The following SMIM15 variants were observed in gnomAD, a reference collection of about 807,000 sequenced individuals.
SMIM15 encodes UPF0542 protein C5orf43.
A neutral mutation model predicts 6.8 loss-of-function variants in SMIM15; 5 were observed. The observed-to-expected ratio is 0.74, with a 90% confidence interval of 0.39 to 1.56. The LOEUF (loss-of-function observed/expected upper bound fraction) is 1.56. Ranked by LOEUF, SMIM15 falls within the 40% of genes most tolerant of loss-of-function variation. The probability of loss-of-function intolerance (pLI) is 0.03; values close to 1 mark genes in which losing one functional copy is unlikely to be tolerated. For missense variants in SMIM15, 81 were observed against 84.8 expected, an observed-to-expected ratio of 0.96 and a Z score of 0.18; for synonymous variants, 30 against 30.8, an observed-to-expected ratio of 0.97 and a Z score of 0.09.
chr5:61,160,193 A>C lies in SMIM15; in HGVS notation c.-22T>G, dbSNP rs748061695. On this transcript the variant is annotated 5_prime_UTR_variant, in exon 3 of 3. Coordinates refer to ENST00000339020, the MANE Select transcript of SMIM15 (RefSeq NM_001048249.4). ...ACATCTTCACAGCAGTCTTATGAAAACTGGGGCTGGGGGAGGCGGGTGGAG... is the reference window on the plus strand; with the variant it reads ...ACATCTTCACAGCAGTCTTATGAAACCTGGGGCTGGGGGAGGCGGGTGGAG... 1 of 1,606,458 alleles carries C rather than the reference A, an allele frequency of 6.2e-7. No individual in the cohort carries two copies. Among genetic ancestry groups the C allele is most frequent in the Non-Finnish European group, 8.5e-7 (1 of 1,175,886 alleles).
rs1741374176 is a variant in SMIM15, at chr5:61,159,407, T to TAGA, written c.*537_*539dup. ...GCTGTAATAAGAAAAATGCAGCAAA[T>TAGA]AGAAGTACTCATTAATATTATTTTG... On this transcript the variant is annotated 3_prime_UTR_variant, in exon 3 of 3. Coordinates refer to ENST00000339020, the MANE Select transcript of SMIM15 (RefSeq NM_001048249.4). The TAGA allele has an allele frequency of 6.5e-6, 1 of 153,632 alleles. No individual in the cohort carries two copies. Among genetic ancestry groups the TAGA allele is most frequent in the Admixed American group, 6.5e-5 (1 of 15,458 alleles). 9.5% of individuals were successfully genotyped at this position (153,632 alleles called of 1,614,324 possible). A position where few individuals can be genotyped will look rare whatever the true frequency, so the allele number is the denominator to read the frequency against.
rs138353340 is a variant in SMIM15, at chr5:61,161,514, C to T, written c.-168-287G>A. 1.9e-3 allele frequency among the ~76,000 whole-genome samples: 282 copies of T among 152,246 alleles called. 3 individuals carry two copies. The highest frequency in any genetic ancestry group is 6.6e-3 in the African/African-American group (274 of 41,536). On this transcript the variant is annotated intron_variant, in intron 1 of 2. Coordinates refer to ENST00000339020, the MANE Select transcript of SMIM15 (RefSeq NM_001048249.4). ...CATTGACATACGGGAGACAAGTTGG[C>T]TCACTGACTGACTTACACAGCGTAT...
At position 61,162,306 on chromosome 5, in the gene SMIM15, G is replaced by A. The variant is rs1741436139; in HGVS notation, c.-258C>T. ...GGCCCCTTGTCGCGCAGAGCGGAGG[G>A]TCCTGGGAGATCCTGGGTTGGCCCA... On this transcript the variant is annotated 5_prime_UTR_variant, in exon 1 of 3. Coordinates refer to ENST00000339020, the MANE Select transcript of SMIM15 (RefSeq NM_001048249.4). The surrounding 1 kb of genome is among the most constrained non-coding windows in gnomAD (Gnocchi z 4.4). 1 of 152,548 alleles carries A rather than the reference G, an allele frequency of 6.6e-6. No homozygotes were observed. The highest frequency in any genetic ancestry group is 1.5e-5 in the Non-Finnish European group (1 of 68,296). 9.4% of individuals were successfully genotyped at this position (152,548 alleles called of 1,614,324 possible). A position where few individuals can be genotyped will look rare whatever the true frequency, so the allele number is the denominator to read the frequency against.
chr5:61,160,254 G>A (rs1334218412), intron 2 of SMIM15, 55 bp from the exon 3 acceptor site: 25 of 1,335,742 alleles, frequency 1.9e-5, no homozygotes, highest in African/African-American at 2.9e-5. Flanking sequence ...AAGACTATGT[G>A]GTTAATCAAA....
chr5:61,159,732 C>A lies in SMIM15; in HGVS notation c.*215G>T. 3.5e-6 allele frequency: 2 copies of A among 573,884 alleles called. No homozygotes were observed. Among genetic ancestry groups the A allele is most frequent in the Non-Finnish European group, 6.1e-6 (2 of 328,022 alleles). The allele number at this position is 573,884 out of a possible 1,614,324, so 35.5% of individuals were successfully genotyped here. A position where few individuals can be genotyped will look rare whatever the true frequency, so the allele number is the denominator to read the frequency against. On this transcript the variant is annotated 3_prime_UTR_variant, in exon 3 of 3. Coordinates refer to ENST00000339020, the MANE Select transcript of SMIM15 (RefSeq NM_001048249.4). The stretch of plus-strand genomic sequence containing the variant: ...TTGTACCACAGTAAATGCTAATTTA[C>A]AATAACTGTCAATAGAAACCTATAA...
Position 61,160,181 on chromosome 5 carries a change from A to C in SMIM15, c.-10T>G, listed in dbSNP as rs768174534. 1.2e-6 allele frequency: 2 copies of C among 1,610,264 alleles called. No homozygotes were observed. The highest frequency in any genetic ancestry group is 2.2e-5 in the East Asian group (1 of 44,852). On this transcript the variant is annotated 5_prime_UTR_variant, in exon 3 of 3. Transcript: ENST00000339020. ...CCTTTATATCAAACATCTTCACAGC[A>C]GTCTTATGAAAACTGGGGCTGGGGG...
intron 2 of SMIM15, among the ~76,000 whole-genome samples, chr5:61,160,615 TACTA>T (rs1741396987): frequency 6.6e-6 from 1 of 152,192 alleles, no homozygotes; most frequent in Admixed American, 6.5e-5. Context: ...TCCTTAGTAT[TACTA>T]ATTAACAAAA....
Position 61,159,978 on chromosome 5 carries a change from A to C in SMIM15, c.194T>G (p.Ile65Ser). ...QKKKQKRQEN[I>S]AKAKRLKKD ...CTTTTTTAGTCGTTTAGCTTTTGCA[A>C]TGTTTTCTTGGCGTTTTTGCTTCTT... Residue 65 changes from isoleucine to serine, a missense_variant, in exon 3 of 3, where the codon ATT becomes AGT. Ile to Ser is a moderately radical substitution (Grantham distance 142, BLOSUM62 -2). Coordinates refer to ENST00000339020, the MANE Select transcript of SMIM15 (RefSeq NM_001048249.4). The C allele has an allele frequency of 1.2e-6, 2 of 1,613,376 alleles. No individual in the cohort carries two copies. The highest frequency in any genetic ancestry group is 1.7e-6 in the Non-Finnish European group (2 of 1,180,024).
Sources: gnomAD v4.1 joint callset for allele counts (sites outside exome capture counted in the v4.1 genomes callset) on GRCh38, gnomAD v4.1.1 for gene constraint, Gnocchi (gnomAD v3.1) non-coding constraint, MANE v1.5 for transcripts, NCBI Gene and HGNC (gene_info 2026-07-23, HGNC 2026-07-21) for gene names.